The following XRRA1 variants were observed in gnomAD, a reference collection of about 807,000 sequenced individuals.
XRRA1 encodes X-ray radiation resistance-associated protein 1.
Under a neutral mutation model 80.2 loss-of-function variants are expected in XRRA1, and 69 were observed. The ratio of observed to expected loss-of-function variants is 0.86; its 90% CI spans 0.71 to 1.05. The LOEUF (loss-of-function observed/expected upper bound fraction) is 1.05, where lower values mean the gene tolerates loss of function less well. XRRA1 is among the 50% of genes least tolerant of loss of function. XRRA1 has a pLI of 0.00. For missense variants in XRRA1, 967 were observed against 976.4 expected (o/e 0.99, Z 0.13); for synonymous variants, 348 against 389.9 (o/e 0.89, Z 1.27).
intron 12 of XRRA1, among the ~76,000 whole-genome samples, chr11:74,858,418 A>T (rs2041609829): frequency 6.6e-6 from 1 of 152,214 alleles, no homozygotes; most frequent in Non-Finnish European, 1.5e-5. Context: ...TAAATGTAAG[A>T]GCTGAAACAA....
intron 14 of XRRA1, 28 bp downstream of exon 14, chr11:74,851,060 G>T (rs766536866): frequency 6.4e-7 from 1 of 1,574,716 alleles, no homozygotes; most frequent in South Asian, 1.1e-5. Flanking sequence ...TCTTCCTGGG[G>T]GTGGGAGTCC....
chr11:74,870,475 G>A, intron 10 of XRRA1, among the ~76,000 whole-genome samples: 1 of 152,172 alleles, frequency 6.6e-6, no homozygotes. Context: ...TGTATGAAAT[G>A]CTGTGGGAAT....
chr11:74,926,585 C>A (rs1251111101), intron 7 of XRRA1, among the ~76,000 whole-genome samples: 2 of 152,172 alleles, frequency 1.3e-5, no homozygotes, highest in African/African-American at 4.8e-5. Flanking sequence ...TTACTCTCCA[C>A]ATATGTTGTC....
intron 10 of XRRA1, among the ~76,000 whole-genome samples, chr11:74,893,983 C>T (rs1326336023): frequency 1.3e-5 from 2 of 152,278 alleles, no homozygotes; most frequent in African/African-American, 4.8e-5. Context: ...ATAACAAAGA[C>T]ATGGAATCAA....
At chr11:74,894,133 C>G (rs912340929) in intron 10 of XRRA1, among the ~76,000 whole-genome samples, 1 of 152,122 alleles carries the variant, frequency 6.6e-6, no homozygotes, top group African/African-American at 2.4e-5. Flanking sequence ...AGCTGGAGAC[C>G]ATTATCCTAA....
At chr11:74,884,281 G>GCTAC (rs1218926564) in intron 10 of XRRA1, among the ~76,000 whole-genome samples, 3 of 152,164 alleles carry the variant, frequency 2.0e-5, no homozygotes, top group South Asian at 2.1e-4. Context: ...ATAGAAAAGG[G>GCTAC]CTACCTGTGG....
intron 10 of XRRA1, among the ~76,000 whole-genome samples, chr11:74,879,402 G>A (rs1248403722): frequency 2.4e-4 from 37 of 152,164 alleles, no homozygotes; most frequent in African/African-American, 8.2e-4. Context: ...CAATTATGTT[G>A]TCTGCAAAGA....
chr11:74,904,166 T>G (rs1005954188), intron 10 of XRRA1, among the ~76,000 whole-genome samples: 1 of 152,194 alleles, frequency 6.6e-6, no homozygotes, highest in Non-Finnish European at 1.5e-5. Context: ...AAATTATTGT[T>G]AGAGTTTATT....
chr11:74,941,177 C>T (rs931265810), intron 2 of XRRA1, among the ~76,000 whole-genome samples: 21 of 152,312 alleles, frequency 1.4e-4, no homozygotes, highest in African/African-American at 5.1e-4. Flanking sequence ...TCTTTCCTTG[C>T]TCTGTGACTG....
At chr11:74,867,031 C>A (rs536950972) in intron 10 of XRRA1, among the ~76,000 whole-genome samples, 38 of 152,148 alleles carry the variant, frequency 2.5e-4, no homozygotes, top group African/African-American at 8.5e-4. Flanking sequence ...CTTCCACTGC[C>A]ACTGCCAGCA....
intron 1 of XRRA1, among the ~76,000 whole-genome samples, chr11:74,947,103 T>C (rs557671131): frequency 6.6e-6 from 1 of 152,280 alleles, no homozygotes; most frequent in East Asian, 1.9e-4. Context: ...GTCTCAATGA[T>C]TGTTAATTGA....
intron 12 of XRRA1, among the ~76,000 whole-genome samples, chr11:74,855,180 T>C (rs2040792056): frequency 1.3e-5 from 2 of 152,214 alleles, no homozygotes; most frequent in South Asian, 4.1e-4. Context: ...TATCTAGACT[T>C]CAGAGATAGA....
At chr11:74,887,024 T>G (rs549945026) in intron 10 of XRRA1, among the ~76,000 whole-genome samples, 2 of 152,362 alleles carry the variant, frequency 1.3e-5, no homozygotes, top group Admixed American at 6.5e-5. Flanking sequence ...TGCAGAAGAT[T>G]GAAACTGAAC....
chr11:74,924,202 G>A (rs572540103), intron 7 of XRRA1, among the ~76,000 whole-genome samples: 12 of 151,442 alleles, frequency 7.9e-5, no homozygotes, highest in Admixed American at 2.0e-4. Context: ...TGGGCCGGGC[G>A]CGGTGGCTCA....
chr11:74,871,598 C>G (rs1304087250), intron 10 of XRRA1, among the ~76,000 whole-genome samples: 2 of 152,162 alleles, frequency 1.3e-5, no homozygotes, highest in Non-Finnish European at 2.9e-5. Context: ...CTTCAGGCAG[C>G]TATTGAGTGT....
At chr11:74,891,513 TC>T (rs1192119506) in intron 10 of XRRA1, among the ~76,000 whole-genome samples, 2 of 152,194 alleles carry the variant, frequency 1.3e-5, no homozygotes, top group East Asian at 3.9e-4. Context: ...AAGCCCTCTC[TC>T]ACCACTCCTA....
intron 8 of XRRA1, among the ~76,000 whole-genome samples, chr11:74,916,043 T>C (rs915538022): frequency 6.6e-6 from 1 of 152,202 alleles, no homozygotes; most frequent in East Asian, 1.9e-4. Context: ...CTGCTGATAA[T>C]CTTATTGAAG....
chr11:74,845,418 T>C, intron 15 of XRRA1, 147 bp from the exon 16 acceptor site: 4 of 813,098 alleles, frequency 4.9e-6, no homozygotes, highest in Non-Finnish European at 5.7e-6. Flanking sequence ...AAAGCAGATA[T>C]AAAAATAGAC....
intron 10 of XRRA1, among the ~76,000 whole-genome samples, chr11:74,890,923 C>T (rs1013861244): frequency 2.6e-5 from 4 of 151,988 alleles, no homozygotes; most frequent in African/African-American, 9.7e-5. Context: ...AGCTTACCAA[C>T]CAAAAAACGT....
Sources: gnomAD v4.1 joint callset for allele counts (sites outside exome capture counted in the v4.1 genomes callset) on GRCh38, gnomAD v4.1.1 for gene constraint, MANE v1.5 for transcripts, NCBI Gene and HGNC (gene_info 2026-07-23, HGNC 2026-07-21) for gene names.